Variants in DLGAP2 observed in about 807,000 individuals in gnomAD.
The protein encoded by DLGAP2 is disks large-associated protein 2.
A neutral mutation model predicts 100.3 loss-of-function variants in DLGAP2; 26 were observed. The ratio of observed to expected loss-of-function variants is 0.26; its 90% CI spans 0.19 to 0.36. DLGAP2 has a LOEUF of 0.36. Among genes scored for constraint, DLGAP2 ranks in the 10% least tolerant of loss-of-function variants. DLGAP2 has a pLI of 1.00. For synonymous variants in DLGAP2, 886 were observed against 630.1 expected (o/e 1.41, Z -6.08); for missense variants, 1,858 against 1,453.2 (o/e 1.28, Z -4.53).
rs193032068 is a variant in DLGAP2 at position 1,134,769 on chromosome 8, C to T, written c.74-124082C>T. On this transcript the variant is annotated intron_variant, in intron 2 of 14. Coordinates refer to ENST00000637795, the MANE Select transcript of DLGAP2 (RefSeq NM_001346810.2). Reference sequence around the variant, plus strand: ...GGAGAAGCAGGCCCATATTACGTGGCGGCAGGCGAGGGAGAGCATGTGAGA... The same window carrying T: ...GGAGAAGCAGGCCCATATTACGTGGTGGCAGGCGAGGGAGAGCATGTGAGA... 1.9e-3 allele frequency among the ~76,000 whole-genome samples: 295 copies of T among 152,092 alleles called. 1 individual carries two copies. The highest frequency in any genetic ancestry group is 2.4e-3 in the Non-Finnish European group (160 of 67,994).
intron 3 of DLGAP2, among the ~76,000 whole-genome samples, chr8:1,310,289 G>T (rs1474653038): frequency 6.6e-6 from 1 of 152,148 alleles, no homozygotes. Flanking sequence ...TTTATATATT[G>T]ACAGAAGGGT....
intron 1 of DLGAP2, among the ~76,000 whole-genome samples, chr8:744,444 A>G (rs573491732): frequency 6.6e-6 from 1 of 152,278 alleles, no homozygotes; most frequent in South Asian, 2.1e-4. Context: ...CGCCTCCTCG[A>G]GGTACAGATT....
At position 1,502,282 on chromosome 8, in the gene DLGAP2, A is replaced by C. The variant is rs113318986; in HGVS notation, c.172+851A>C. Among the ~76,000 whole-genome samples the C allele has an allele frequency of 3.7e-4, 57 of 152,330 alleles. 1 individual carries two copies. The highest frequency in any genetic ancestry group is 1.3e-3 in the African/African-American group (56 of 41,572). On this transcript the variant is annotated intron_variant, in intron 4 of 14. Coordinates refer to ENST00000637795, the MANE Select transcript of DLGAP2 (RefSeq NM_001346810.2). ...GGGCTGGGTCTCGGATCATAAGTTC[A>C]ATTTATATTTAAATGTACATTTTTA...
At chr8:1,535,696 C>T (rs1028449581) in intron 4 of DLGAP2, among the ~76,000 whole-genome samples, 3 of 152,244 alleles carry the variant, frequency 2.0e-5, no homozygotes, top group African/African-American at 4.8e-5. Context: ...TTTTCGTCCA[C>T]CTTGGTGCAA....
intron 12 of DLGAP2, 33 bp from the exon 13 acceptor site, chr8:1,691,502 T>C: frequency 6.3e-7 from 1 of 1,584,078 alleles, no homozygotes; most frequent in Non-Finnish European, 8.6e-7. Flanking sequence ...TTTGAAGTTG[T>C]TGTTTTTTTG....
At chr8:1,322,807 G>A (rs541349641) in intron 3 of DLGAP2, among the ~76,000 whole-genome samples, 7 of 152,340 alleles carry the variant, frequency 4.6e-5, no homozygotes, top group African/African-American at 1.7e-4. Flanking sequence ...GATAAGCCGA[G>A]TTAATAATTT....
intron 1 of DLGAP2, among the ~76,000 whole-genome samples, chr8:799,592 C>T (rs1179118645): frequency 6.6e-6 from 1 of 152,164 alleles, no homozygotes; most frequent in African/African-American, 2.4e-5. Flanking sequence ...TATCAAACAG[C>T]TGATATGAAC....
At chr8:742,857 A>G (rs564678291) in intron 1 of DLGAP2, among the ~76,000 whole-genome samples, 3 of 152,240 alleles carry the variant, frequency 2.0e-5, no homozygotes, top group African/African-American at 7.2e-5. Flanking sequence ...TCTCATCACT[A>G]AGAGTGGGGC....
intron 6 of DLGAP2, among the ~76,000 whole-genome samples, chr8:1,579,205 G>C (rs1259768354): frequency 4.6e-5 from 7 of 151,886 alleles, no homozygotes. Flanking sequence ...AATGAAGGTA[G>C]CACTTTAAAT....
At chr8:871,189 C>G (rs1461943921) in intron 1 of DLGAP2, among the ~76,000 whole-genome samples, 2 of 152,208 alleles carry the variant, frequency 1.3e-5, no homozygotes, top group Non-Finnish European at 2.9e-5. Flanking sequence ...CACCCCTTCC[C>G]ACAGAGAAGG....
intron 3 of DLGAP2, among the ~76,000 whole-genome samples, chr8:1,391,862 A>G (rs1796364703): frequency 6.6e-6 from 1 of 152,228 alleles, no homozygotes; most frequent in African/African-American, 2.4e-5. Flanking sequence ...AGACCCGAGT[A>G]TGTGTCTTCC....
At chr8:1,523,309 C>T (rs1800673585) in intron 4 of DLGAP2, among the ~76,000 whole-genome samples, 1 of 152,244 alleles carries the variant, frequency 6.6e-6, no homozygotes, top group South Asian at 2.1e-4. Context: ...AGGACCAAGA[C>T]ACACGACAGA....
chr8:918,815 T>TA (rs1798648754), intron 2 of DLGAP2, among the ~76,000 whole-genome samples: 1 of 152,246 alleles, frequency 6.6e-6, no homozygotes, highest in Non-Finnish European at 1.5e-5. Context: ...GACAAACTGA[T>TA]ATAGTTATGA....
rs1800103453 is a variant in DLGAP2 at position 974,167 on chromosome 8, C to G, written c.73+66201C>G. ...AAGACACCAAACCATATCCAGGAAGCTAAAAGAACCAGCAAGATATATATT... is the reference window on the plus strand; with the variant it reads ...AAGACACCAAACCATATCCAGGAAGGTAAAAGAACCAGCAAGATATATATT... On this transcript the variant is annotated intron_variant, in intron 2 of 14. Coordinates refer to ENST00000637795, the MANE Select transcript of DLGAP2 (RefSeq NM_001346810.2). Among the ~76,000 whole-genome samples the G allele has an allele frequency of 2.6e-5, 4 of 152,170 alleles. No homozygotes were observed. In the South Asian group the frequency reaches 8.3e-4, roughly 32 times the overall value.
chr8:1,472,014 C>G (rs1158479662), intron 3 of DLGAP2, among the ~76,000 whole-genome samples: 1 of 152,158 alleles, frequency 6.6e-6, no homozygotes, highest in Non-Finnish European at 1.5e-5. Flanking sequence ...GTGCCAGGCA[C>G]TACGTTAAGG....
At chr8:1,083,750 C>T (rs1006062129) in intron 2 of DLGAP2, among the ~76,000 whole-genome samples, 2 of 152,064 alleles carry the variant, frequency 1.3e-5, no homozygotes, top group Non-Finnish European at 2.9e-5. Context: ...CGCCAGTACA[C>T]GATTCAGCAA....
intron 6 of DLGAP2, among the ~76,000 whole-genome samples, chr8:1,590,546 A>G (rs961332269): frequency 3.3e-5 from 5 of 152,206 alleles, no homozygotes; most frequent in African/African-American, 1.2e-4. Context: ...TTCCTCAGTT[A>G]TCTGTCTTCA....
chr8:925,600 T>A (rs945243685), intron 2 of DLGAP2, among the ~76,000 whole-genome samples: 1 of 152,154 alleles, frequency 6.6e-6, no homozygotes, highest in African/African-American at 2.4e-5. Flanking sequence ...TGCAGGTGTA[T>A]TAGGGCCCTC....
At chr8:1,551,990 C>T (rs1801784199) in intron 5 of DLGAP2, among the ~76,000 whole-genome samples, 1 of 152,112 alleles carries the variant, frequency 6.6e-6, no homozygotes, top group African/African-American at 2.4e-5. Flanking sequence ...TTCCTCTCTT[C>T]CTCCCCCTAG....
Sources: gnomAD v4.1 joint callset for allele counts (sites outside exome capture counted in the v4.1 genomes callset) on GRCh38, gnomAD v4.1.1 for gene constraint, MANE v1.5 for transcripts, NCBI Gene and HGNC (gene_info 2026-07-23, HGNC 2026-07-21) for gene names.